The following NEDD4L variants were observed in gnomAD, a reference collection of about 807,000 sequenced individuals.
The protein encoded by NEDD4L is NEDD4 like E3 ubiquitin protein ligase, also known as E3 ubiquitin-protein ligase NEDD4-like.
NEDD4L carries 54 observed loss-of-function variants against 148.9 expected under a neutral mutation model. That is an observed-to-expected ratio of 0.36 (90% CI 0.29 to 0.45). NEDD4L has a LOEUF of 0.45. NEDD4L is among the 20% of genes least tolerant of loss of function. NEDD4L has a pLI of 1.00. For missense variants in NEDD4L, 856 were observed against 1,233.8 expected (o/e 0.69, Z 4.59); for synonymous variants, 433 against 440.7 (o/e 0.98, Z 0.22).
chr18:58,119,963 G>T (rs980589285), intron 1 of NEDD4L, among the ~76,000 whole-genome samples: 1 of 152,188 alleles, frequency 6.6e-6, no homozygotes, highest in African/African-American at 2.4e-5. Flanking sequence ...CTCTGCAGCA[G>T]ATTGGCACAC....
At chr18:58,338,191 A>AC (rs1568753551) in intron 13 of NEDD4L, among the ~76,000 whole-genome samples, 1 of 152,256 alleles carries the variant, frequency 6.6e-6, no homozygotes, top group East Asian at 1.9e-4. Flanking sequence ...TATTCAGTCT[A>AC]TGATGAAAAG....
rs368785407 is a variant in NEDD4L at position 58,345,927 on chromosome 18, T to TTG, written c.1575+2825_1575+2826insGT. Among the ~76,000 whole-genome samples, 206 of 138,178 alleles carry TTG rather than the reference T, an allele frequency of 1.5e-3. 1 individual carries two copies. The highest frequency in any genetic ancestry group is 3.6e-3 in the African/African-American group (127 of 35,368). The allele number at this position is 138,178 out of a possible 152,430, so 90.7% of individuals were successfully genotyped here. Reference sequence around the variant, plus strand: ...AGCTAATTTTTGTTGTTTTTTGTTTTTTGTTTTTTTTAGCACAGACAGGGT... The same window carrying TTG: ...AGCTAATTTTTGTTGTTTTTTGTTTTTGTTGTTTTTTTTAGCACAGACAGGGT... On this transcript the variant is annotated intron_variant, in intron 16 of 30. Transcript: ENST00000400345.
At position 58,342,947 on chromosome 18, in the gene NEDD4L, C is replaced by T. The variant is rs772217306; in HGVS notation, c.1419C>T (p.Thr473=). The part of the protein sequence containing the change: ...DSPVRRAVKD[T]LSNPQSPQPS... Reference sequence around the variant, plus strand: ...CCGTACGTCGGGCTGTGAAAGACACCCTTTCCAACCCACAGTCCCCACAGC... The same window carrying T: ...CCGTACGTCGGGCTGTGAAAGACACTCTTTCCAACCCACAGTCCCCACAGC... The change falls in exon 16 of 31, where the codon ACC becomes ACT. Residue 473 remains threonine, a synonymous_variant. Coordinates refer to ENST00000400345, the MANE Select transcript of NEDD4L (RefSeq NM_001144967.3). The T allele has an allele frequency of 1.1e-5, 17 of 1,612,454 alleles. No homozygotes were observed. In the East Asian group the frequency reaches 2.7e-4, roughly 25 times the overall value.
At chr18:58,120,354 C>T (rs1802630601) in intron 1 of NEDD4L, among the ~76,000 whole-genome samples, 1 of 152,154 alleles carries the variant, frequency 6.6e-6, no homozygotes, top group Non-Finnish European at 1.5e-5. Context: ...TTGTATTCTC[C>T]CTCCCTCTAC....
intron 6 of NEDD4L, among the ~76,000 whole-genome samples, chr18:58,321,596 C>T (rs2058777604): frequency 6.6e-6 from 1 of 152,212 alleles, no homozygotes; most frequent in Non-Finnish European, 1.5e-5. Context: ...AAACAGATAA[C>T]ATTTCAAATA....
At chr18:58,229,938 G>A (rs890235373) in intron 2 of NEDD4L, among the ~76,000 whole-genome samples, 5 of 152,092 alleles carry the variant, frequency 3.3e-5, no homozygotes, top group Admixed American at 2.6e-4. Context: ...GCAGTGAGCC[G>A]AGATCGTGCC....
At chr18:58,097,567 A>G (rs917733778) in intron 1 of NEDD4L, among the ~76,000 whole-genome samples, 1 of 152,216 alleles carries the variant, frequency 6.6e-6, no homozygotes, top group Non-Finnish European at 1.5e-5. Flanking sequence ...GTCAGAGAGT[A>G]TATCATGCCT....
At chr18:58,057,129 A>G (rs2082122341) in intron 1 of NEDD4L, among the ~76,000 whole-genome samples, 1 of 151,916 alleles carries the variant, frequency 6.6e-6, no homozygotes, top group African/African-American at 2.4e-5. Context: ...TGGATAATCC[A>G]TCCACCTTCA....
intron 28 of NEDD4L, chr18:58,389,482 A>G: frequency 3.8e-6 from 1 of 264,970 alleles, no homozygotes; most frequent in East Asian, 6.8e-5. Flanking sequence ...TGGTCCTCCA[A>G]TGCGTAAATA....
chr18:58,222,927 A>G (rs762304189), intron 2 of NEDD4L, among the ~76,000 whole-genome samples: 3 of 152,236 alleles, frequency 2.0e-5, no homozygotes, highest in Admixed American at 6.5e-5. Flanking sequence ...AAATAACTCT[A>G]TAAGGGAAGT....
chr18:58,390,445 C>T (rs556425207), intron 28 of NEDD4L: 91 of 482,552 alleles, frequency 1.9e-4, no homozygotes, highest in Non-Finnish European at 2.9e-4. Flanking sequence ...AAGAAAGAGA[C>T]GGACATTGTG....
At chr18:58,082,175 T>C (rs148798017) in intron 1 of NEDD4L, among the ~76,000 whole-genome samples, 194 of 141,888 alleles carry the variant, frequency 1.4e-3, no homozygotes, top group African/African-American at 5.0e-3. Flanking sequence ...TGGCATGATC[T>C]CAGCTCACTT....
chr18:58,220,400 C>CA (rs36046684), intron 2 of NEDD4L, among the ~76,000 whole-genome samples: 49,260 of 147,134 alleles, frequency 0.33, 8,500 homozygotes, highest in East Asian at 0.69. Context: ...GACCCTATCT[C>CA]AAAAAAAAAA....
At chr18:58,209,889 G>A (rs1045881339) in intron 2 of NEDD4L, among the ~76,000 whole-genome samples, 8 of 152,218 alleles carry the variant, frequency 5.3e-5, no homozygotes, top group African/African-American at 1.2e-4. Flanking sequence ...ATGAGAGGCC[G>A]GGCATGATGG....
intron 16 of NEDD4L, among the ~76,000 whole-genome samples, chr18:58,349,187 C>A (rs1415297193): frequency 6.6e-6 from 1 of 152,158 alleles, no homozygotes; most frequent in Non-Finnish European, 1.5e-5. Context: ...GTTGTCCCCA[C>A]TCCCTCTTTG....
chr18:58,235,334 T>C (rs1345104158), intron 2 of NEDD4L, among the ~76,000 whole-genome samples: 1 of 152,196 alleles, frequency 6.6e-6, no homozygotes, highest in African/African-American at 2.4e-5. Context: ...ACCTTTGTCC[T>C]GAGCACTGGA....
chr18:58,078,015 ATT>A (rs56093190), intron 1 of NEDD4L, among the ~76,000 whole-genome samples: 93,387 of 142,982 alleles, frequency 0.65, 30,227 homozygotes, highest in East Asian at 0.81. Context: ...TGAGAAACGT[ATT>A]TTTTTTTTTT....
chr18:58,334,523 C>T (rs918335801), intron 12 of NEDD4L, among the ~76,000 whole-genome samples: 3 of 152,168 alleles, frequency 2.0e-5, no homozygotes, highest in Non-Finnish European at 4.4e-5. Flanking sequence ...TTGATGTACA[C>T]ATTAAAAATA....
At chr18:58,138,876 C>A (rs1366572597) in intron 1 of NEDD4L, among the ~76,000 whole-genome samples, 1 of 152,220 alleles carries the variant, frequency 6.6e-6, no homozygotes, top group Non-Finnish European at 1.5e-5. Flanking sequence ...ATTAGGATTT[C>A]AACACATGAA....
Sources: gnomAD v4.1 joint callset for allele counts (sites outside exome capture counted in the v4.1 genomes callset) on GRCh38, gnomAD v4.1.1 for gene constraint, MANE v1.5 for transcripts, NCBI Gene and HGNC (gene_info 2026-07-23, HGNC 2026-07-21) for gene names.